PCNX1: variants seen among roughly 807,000 people sequenced by gnomAD.
PCNX1 encodes pecanex-like protein 1.
In PCNX1, 78 loss-of-function variants were observed where a neutral mutation model predicts 242.2. The ratio of observed to expected loss-of-function variants is 0.32; its 90% CI spans 0.27 to 0.39. The LOEUF is 0.39. PCNX1 is among the 10% of genes least tolerant of loss of function. The pLI is 1.00. For synonymous variants in PCNX1, 1,024 were observed against 1,032.9 expected, an observed-to-expected ratio of 0.99 and a Z score of 0.17; for missense variants, 2,581 against 2,856.5, an observed-to-expected ratio of 0.90 and a Z score of 2.20.
rs773656837 is a variant in PCNX1 at position 71,009,666 on chromosome 14, G to A, written c.2662G>A (p.Gly888Ser). ...CTCTTCTACGCTGTATGAGACTGGTGGCTGTGATATGTCACTTGTGAATTT... is the reference window on the plus strand; with the variant it reads ...CTCTTCTACGCTGTATGAGACTGGTAGCTGTGATATGTCACTTGTGAATTT... Reference protein sequence around the residue: ...KFSSTLYETGGCDMSLVNFEP... With the variant: ...KFSSTLYETGSCDMSLVNFEP... The change falls in exon 9 of 36, where the codon GGC becomes AGC. Residue 888 changes from glycine (G) to serine (S), a missense_variant. Coordinates refer to ENST00000304743, the MANE Select transcript of PCNX1 (RefSeq NM_014982.3). The A allele has an allele frequency of 1.2e-6, 2 of 1,604,044 alleles. No homozygotes were observed. Among genetic ancestry groups the A allele is most frequent in the Admixed American group, 3.3e-5 (2 of 59,912 alleles).
At chr14:70,922,431 AG>A (rs2056413678) in intron 1 of PCNX1, among the ~76,000 whole-genome samples, 2 of 152,278 alleles carry the variant, frequency 1.3e-5, no homozygotes, top group South Asian at 4.1e-4. Flanking sequence ...TATAGCATGG[AG>A]AAAACCGGTA....
chr14:70,955,678 A>G (rs749498260), intron 2 of PCNX1, among the ~76,000 whole-genome samples: 4 of 152,298 alleles, frequency 2.6e-5, no homozygotes, highest in Non-Finnish European at 5.9e-5. Context: ...ATTATAAACT[A>G]CTATGCTTTC....
intron 6 of PCNX1, among the ~76,000 whole-genome samples, chr14:70,987,677 A>G (rs2059039024): frequency 6.6e-6 from 1 of 152,170 alleles, no homozygotes; most frequent in African/African-American, 2.4e-5. Context: ...GATGAAAATC[A>G]TTTTACATTT....
At chr14:71,062,409 A>G (rs1435585455) in intron 26 of PCNX1, among the ~76,000 whole-genome samples, 2 of 151,906 alleles carry the variant, frequency 1.3e-5, no homozygotes, top group Non-Finnish European at 2.9e-5. Context: ...TTTAAATTTT[A>G]AAAATATTTA....
At chr14:70,938,030 G>T (rs952000967) in intron 1 of PCNX1, among the ~76,000 whole-genome samples, 6 of 152,202 alleles carry the variant, frequency 3.9e-5, no homozygotes, top group Non-Finnish European at 7.3e-5. Flanking sequence ...GAGATTTTGG[G>T]CTCAGACGAT....
chr14:70,918,900 T>A (rs1263164122), intron 1 of PCNX1, among the ~76,000 whole-genome samples: 3 of 137,102 alleles, frequency 2.2e-5, no homozygotes, highest in Non-Finnish European at 4.8e-5. Context: ...TTTTTTTTTT[T>A]AGACAAAGTC....
intron 11 of PCNX1, among the ~76,000 whole-genome samples, chr14:71,015,553 T>C (rs2059940403): frequency 6.6e-6 from 1 of 152,242 alleles, no homozygotes; most frequent in Admixed American, 6.5e-5. Context: ...CCCAGCACTT[T>C]GGGAGGCAGA....
chr14:71,046,344 TGTA>T lies in PCNX1; in HGVS notation c.4019-617_4019-615del, dbSNP rs532376432. ...ATCTTATTTTTTAAATCTTAGAACA[TGTA>T]GTCTACAAATTTTGAATCAGCATAT... On this transcript the variant is annotated intron_variant, in intron 20 of 35. Coordinates refer to ENST00000304743, the MANE Select transcript of PCNX1 (RefSeq NM_014982.3). 3.1e-3 allele frequency among the ~76,000 whole-genome samples: 468 copies of T among 152,210 alleles called. 5 individuals are homozygous for T. Among genetic ancestry groups the T allele is most frequent in the African/African-American group, 0.011 (449 of 41,574 alleles).
intron 16 of PCNX1, among the ~76,000 whole-genome samples, chr14:71,032,503 C>G (rs948177534): frequency 6.9e-6 from 1 of 145,598 alleles, no homozygotes; most frequent in Non-Finnish European, 1.5e-5. Flanking sequence ...AAGGATGCAG[C>G]TCTACACAGT....
Position 71,114,717 on chromosome 14 carries a change from T to TATG in PCNX1, c.*4785_*4787dup, listed in dbSNP as rs1452479057. ...TGCCTCAGCTCTGTACCTGACAATT[T>TATG]ATGATTCAGTGGAGCCAAGCTAGAA... On this transcript the variant is annotated 3_prime_UTR_variant, in exon 36 of 36. Coordinates refer to ENST00000304743, the MANE Select transcript of PCNX1 (RefSeq NM_014982.3). The TATG allele has an allele frequency of 6.6e-6, 1 of 152,592 alleles. No homozygotes were observed. Among genetic ancestry groups the TATG allele is most frequent in the African/African-American group, 2.4e-5 (1 of 41,432 alleles). 9.5% of individuals were successfully genotyped at this position (152,592 alleles called of 1,614,324 possible). A position where few individuals can be genotyped will look rare whatever the true frequency, so the allele number is the denominator to read the frequency against.
At chr14:70,938,174 AGGAGTGGTGAG>A (rs2057086773) in intron 1 of PCNX1, among the ~76,000 whole-genome samples, 1 of 152,180 alleles carries the variant, frequency 6.6e-6, no homozygotes, top group East Asian at 1.9e-4. Flanking sequence ...TATGTTGAAT[AGGAGTGGTGAG>A]AGAGGGCATA....
rs1369797213 is a variant in PCNX1 at position 71,114,132 on chromosome 14, A to T, written c.*4197A>T. The T allele has an allele frequency of 6.6e-6, 1 of 152,150 alleles. No individual in the cohort carries two copies. Among genetic ancestry groups the T allele is most frequent in the African/African-American group, 2.4e-5 (1 of 41,422 alleles). The allele number at this position is 152,150 out of a possible 1,614,324, so 9.4% of individuals were successfully genotyped here. On this transcript the variant is annotated 3_prime_UTR_variant, in exon 36 of 36. Transcript: ENST00000304743. ...GACATTCTGTTTCAGTCTTACATGGATATTGTTTCATTGGTGTTGAGGAAG... is the reference window on the plus strand; with the variant it reads ...GACATTCTGTTTCAGTCTTACATGGTTATTGTTTCATTGGTGTTGAGGAAG...
chr14:70,928,382 T>C (rs2056668155), intron 1 of PCNX1, among the ~76,000 whole-genome samples: 1 of 152,168 alleles, frequency 6.6e-6, no homozygotes, highest in Non-Finnish European at 1.5e-5. Context: ...TGCAATAGAA[T>C]ATATCAGGAA....
At chr14:71,022,641 A>G (rs2060134956) in intron 12 of PCNX1, among the ~76,000 whole-genome samples, 1 of 152,114 alleles carries the variant, frequency 6.6e-6, no homozygotes, top group African/African-American at 2.4e-5. Context: ...CCTTCTGAAC[A>G]TTTTTATGGG....
At chr14:71,033,063 A>G (rs2060434838) in intron 16 of PCNX1, among the ~76,000 whole-genome samples, 1 of 152,200 alleles carries the variant, frequency 6.6e-6, no homozygotes, top group African/African-American at 2.4e-5. Flanking sequence ...AAAATTTACT[A>G]TGCCAAGATA....
chr14:71,036,058 C>T lies in PCNX1; in HGVS notation c.3775-7C>T. ...AATTGTTTAATAATTCTTTTTTTTC[C>T]CCACAGAGTGAGCGATTACAGTCTG... On this transcript the variant is annotated splice_polypyrimidine_tract_variant and splice_region_variant and intron_variant, in intron 18 of 35. Coordinates refer to ENST00000304743, the MANE Select transcript of PCNX1 (RefSeq NM_014982.3). The T allele has an allele frequency of 6.5e-7, 1 of 1,544,846 alleles. No individual in the cohort carries two copies.
chr14:71,032,198 C>G (rs923796960), intron 16 of PCNX1, among the ~76,000 whole-genome samples: 1 of 152,216 alleles, frequency 6.6e-6, no homozygotes, highest in African/African-American at 2.4e-5. Flanking sequence ...CCTCATATAC[C>G]TGATGTGTTT....
intron 3 of PCNX1, among the ~76,000 whole-genome samples, chr14:70,965,586 C>T (rs1449008175): frequency 6.7e-6 from 1 of 149,902 alleles, no homozygotes; most frequent in Non-Finnish European, 1.5e-5. Flanking sequence ...TTGCTTGAAC[C>T]CGGGAGGTGG....
intron 28 of PCNX1, among the ~76,000 whole-genome samples, chr14:71,077,961 G>T (rs2061759468): frequency 6.6e-6 from 1 of 152,098 alleles, no homozygotes; most frequent in African/African-American, 2.4e-5. Context: ...CAGGAACAGG[G>T]TTCCATCCTA....
Sources: allele counts gnomAD v4.1 joint callset (sites outside exome capture counted in the v4.1 genomes callset), GRCh38; gene constraint gnomAD v4.1.1; transcripts MANE v1.5; gene names NCBI Gene and HGNC (gene_info 2026-07-23, HGNC 2026-07-21).